The following ITPR1 variants were observed in gnomAD, a reference collection of about 807,000 sequenced individuals.
ITPR1 encodes inositol 1,4,5-trisphosphate receptor type 1, also known as inositol 1,4,5-trisphosphate-gated calcium channel ITPR1.
ITPR1 carries 96 observed loss-of-function variants against 318.4 expected under a neutral mutation model. That is an observed-to-expected ratio of 0.30 (90% CI 0.26 to 0.36). ITPR1 has a LOEUF of 0.36. ITPR1 is among the 10% of genes least tolerant of loss of function. The probability of loss-of-function intolerance (pLI) is 1.00; values close to 1 mark genes in which losing one functional copy is unlikely to be tolerated. For synonymous variants in ITPR1, 1,312 were observed against 1,289.9 expected, an observed-to-expected ratio of 1.02 and a Z score of -0.37; for missense variants, 2,440 against 3,460.2, an observed-to-expected ratio of 0.71 and a Z score of 7.40.
intron 4 of ITPR1, among the ~76,000 whole-genome samples, chr3:4,544,652 A>T (rs1175503886): frequency 6.6e-6 from 1 of 152,252 alleles, no homozygotes; most frequent in Non-Finnish European, 1.5e-5. Flanking sequence ...GGATCCTCTC[A>T]GTCGTTTTGG....
rs1299775082 is a variant in ITPR1, at chr3:4,826,059, C to T, written c.8028+7817C>T. On this transcript the variant is annotated intron_variant, in intron 60 of 61. Coordinates refer to ENST00000649015, the MANE Select transcript of ITPR1 (RefSeq NM_001378452.1). The surrounding 1 kb of genome is among the most constrained non-coding windows in gnomAD (Gnocchi z 4.2). ...GAGAGGAAGGGCGAGTCCAACAGGG[C>T]GTGCACTTAACCCTGGTCTGACCTT... Among the ~76,000 whole-genome samples, 3 of 152,226 alleles carry T rather than the reference C, an allele frequency of 2.0e-5. No individual in the cohort carries two copies. Among genetic ancestry groups the T allele is most frequent in the Non-Finnish European group, 4.4e-5 (3 of 68,032 alleles).
At chr3:4,572,331 T>TGA (rs770558242) in intron 4 of ITPR1, among the ~76,000 whole-genome samples, 29 of 152,220 alleles carry the variant, frequency 1.9e-4, no homozygotes, top group Non-Finnish European at 3.8e-4. Context: ...TCTCAGTAAA[T>TGA]GGCAATTTCA....
intron 4 of ITPR1, among the ~76,000 whole-genome samples, chr3:4,537,591 G>T (rs1469806778): frequency 6.6e-6 from 1 of 152,164 alleles, no homozygotes; most frequent in Admixed American, 6.5e-5. Context: ...TTCCAGGTGT[G>T]CCTGATCACA....
intron 59 of ITPR1, among the ~76,000 whole-genome samples, chr3:4,815,798 G>T (rs761816115): frequency 1.3e-5 from 2 of 151,672 alleles, no homozygotes; most frequent in African/African-American, 4.9e-5. Flanking sequence ...TGGTATGTAT[G>T]CTAAAAAAAA....
At chr3:4,602,874 G>A (rs902233508) in intron 4 of ITPR1, among the ~76,000 whole-genome samples, 1 of 152,004 alleles carries the variant, frequency 6.6e-6, no homozygotes, top group African/African-American at 2.4e-5. Context: ...ACTATTAATG[G>A]GTATAGGATG....
chr3:4,646,344 A>G (rs1431870498), intron 10 of ITPR1, among the ~76,000 whole-genome samples: 2 of 152,234 alleles, frequency 1.3e-5, no homozygotes, highest in African/African-American at 2.4e-5. Context: ...ATAGCATCTG[A>G]TCTGGTACCT....
At chr3:4,769,250 G>A (rs1301349277) in intron 46 of ITPR1, among the ~76,000 whole-genome samples, 3 of 152,044 alleles carry the variant, frequency 2.0e-5, no homozygotes, top group African/African-American at 7.2e-5. Context: ...GGCAAGTAAT[G>A]CCCTTGTCTG....
At chr3:4,576,019 CA>C (rs35517382) in intron 4 of ITPR1, among the ~76,000 whole-genome samples, 5,678 of 80,656 alleles carry the variant, frequency 0.07, 283 homozygotes, top group African/African-American at 0.19. Context: ...GATGCTGTCT[CA>C]AAAAAAAAAA....
chr3:4,612,408 G>T (rs556598921), intron 4 of ITPR1, among the ~76,000 whole-genome samples: 1 of 152,006 alleles, frequency 6.6e-6, no homozygotes, highest in Non-Finnish European at 1.5e-5. Flanking sequence ...GAATCCAAGG[G>T]GTGTCCTGGG....
At chr3:4,788,275 A>T in intron 52 of ITPR1, 136 bp downstream of exon 52, 1 of 716,162 alleles carries the variant, frequency 1.4e-6, no homozygotes. Flanking sequence ...TCTGACCACC[A>T]GGAAGTCATA....
intron 46 of ITPR1, among the ~76,000 whole-genome samples, chr3:4,770,142 G>T (rs2046094418): frequency 1.3e-5 from 2 of 152,174 alleles, no homozygotes; most frequent in Non-Finnish European, 2.9e-5. Flanking sequence ...AATAATGCTA[G>T]TCCAGATCTG....
At chr3:4,566,482 A>G (rs529649049) in intron 4 of ITPR1, among the ~76,000 whole-genome samples, 2 of 152,244 alleles carry the variant, frequency 1.3e-5, no homozygotes, top group East Asian at 3.9e-4. Flanking sequence ...AAGGTAAGGA[A>G]TAGGTGGGTC....
Position 4,676,678 on chromosome 3 carries a change from A to G in ITPR1, c.2844A>G (p.Gly948=). 6.2e-7 allele frequency: 1 copy of G among 1,613,648 alleles called. No individual in the cohort carries two copies. Among genetic ancestry groups the G allele is most frequent in the African/African-American group, 1.3e-5 (1 of 74,966 alleles). ...TGATGACCCAGGTGGTGCTCCGGGG[A>G]GGAGGCTTTTTGCCCATGACTCCCA... ...GELMTQVVLR[G]GGFLPMTPMA... The change falls in exon 24 of 62, where the codon GGA becomes GGG. Residue 948 remains glycine, a synonymous_variant. Transcript: ENST00000649015.
chr3:4,756,143 G>A (rs2044959323), intron 44 of ITPR1, among the ~76,000 whole-genome samples: 1 of 152,154 alleles, frequency 6.6e-6, no homozygotes, highest in South Asian at 2.1e-4. Flanking sequence ...AGTCGAGACT[G>A]GTTTAAAATG....
intron 12 of ITPR1, among the ~76,000 whole-genome samples, chr3:4,656,022 C>T (rs1275635597): frequency 1.3e-5 from 2 of 152,166 alleles, no homozygotes; most frequent in Non-Finnish European, 2.9e-5. Context: ...GTTTTTGCCT[C>T]GGACCTCACT....
intron 4 of ITPR1, among the ~76,000 whole-genome samples, chr3:4,595,051 C>A (rs1169973801): frequency 1.3e-5 from 2 of 152,144 alleles, no homozygotes; most frequent in Non-Finnish European, 2.9e-5. Flanking sequence ...TCACTTTTCC[C>A]TTCTGAAAAA....
chr3:4,542,503 A>G (rs560942187), intron 4 of ITPR1, among the ~76,000 whole-genome samples: 1 of 152,306 alleles, frequency 6.6e-6, no homozygotes, highest in South Asian at 2.1e-4. Flanking sequence ...AATTTCCTAT[A>G]TATGTTAATT....
At chr3:4,517,712 AC>A (rs1236806949) in intron 3 of ITPR1, among the ~76,000 whole-genome samples, 5 of 152,150 alleles carry the variant, frequency 3.3e-5, no homozygotes, top group Non-Finnish European at 7.4e-5. Flanking sequence ...TCCATTATGG[AC>A]CTACCCTTAA....
intron 53 of ITPR1, among the ~76,000 whole-genome samples, chr3:4,797,673 T>C (rs2047982900): frequency 6.6e-6 from 1 of 152,250 alleles, no homozygotes. Flanking sequence ...TTTAAATGTT[T>C]TTATTATTGA....
Sources: allele counts gnomAD v4.1 joint callset (sites outside exome capture counted in the v4.1 genomes callset), GRCh38; gene constraint gnomAD v4.1.1; non-coding constraint Gnocchi (gnomAD v3.1); transcripts MANE v1.5; gene names NCBI Gene and HGNC (gene_info 2026-07-23, HGNC 2026-07-21).